Variants in ANKAR observed in about 807,000 individuals in gnomAD.
The protein encoded by ANKAR is ankyrin and armadillo repeat-containing protein.
ANKAR carries 136 observed loss-of-function variants against 146.2 expected under a neutral mutation model. That is an observed-to-expected ratio of 0.93 (90% confidence interval 0.81 to 1.07). The LOEUF is 1.07. ANKAR is among the 50% of genes least tolerant of loss of function. ANKAR has a pLI of 0.00. For synonymous variants in ANKAR, 500 were observed against 575.8 expected (o/e 0.87, Z 1.88); for missense variants, 1,567 against 1,679.9 (o/e 0.93, Z 1.18).
At chr2:189,700,247 A>G (rs1398570076) in intron 7 of ANKAR, among the ~76,000 whole-genome samples, 1 of 152,180 alleles carries the variant, frequency 6.6e-6, no homozygotes, top group Non-Finnish European at 1.5e-5. Flanking sequence ...AGAATTCTAG[A>G]TTAGTGGTTC....
rs1413126822 is a variant in ANKAR, at chr2:189,733,100, T to A, written c.3301-7T>A. 6.3e-7 allele frequency: 1 copy of A among 1,598,432 alleles called. No individual in the cohort carries two copies. The highest frequency in any genetic ancestry group is 1.8e-5 in the Admixed American group (1 of 56,572). On this transcript the variant is annotated splice_polypyrimidine_tract_variant and splice_region_variant and intron_variant, in intron 16 of 22. Coordinates refer to ENST00000684021, the MANE Select transcript of ANKAR (RefSeq NM_001378068.1). ...TGAAAAGTAATTTCTGAAAACCACATGTTTAGGTTGAAGTGGCATTTTCCT... is the reference window on the plus strand; with the variant it reads ...TGAAAAGTAATTTCTGAAAACCACAAGTTTAGGTTGAAGTGGCATTTTCCT...
intron 5 of ANKAR, among the ~76,000 whole-genome samples, chr2:189,693,765 A>G (rs760835546): frequency 1.3e-5 from 2 of 151,746 alleles, no homozygotes; most frequent in Non-Finnish European, 2.9e-5. Flanking sequence ...TTGTTTGTTT[A>G]TGAGACAGAG....
At chr2:189,729,213 C>G (rs544794706) in intron 15 of ANKAR, among the ~76,000 whole-genome samples, 1 of 152,250 alleles carries the variant, frequency 6.6e-6, no homozygotes, top group East Asian at 1.9e-4. Flanking sequence ...CTGTAATGAT[C>G]ATTTGTTTAT....
At chr2:189,700,719 T>G (rs2037942961) in intron 7 of ANKAR, among the ~76,000 whole-genome samples, 1 of 152,246 alleles carries the variant, frequency 6.6e-6, no homozygotes, top group African/African-American at 2.4e-5. Context: ...ATCATTATAC[T>G]CTGTATCTCC....
In ANKAR at chr2:189,733,098, CAT is replaced by C. The variant is rs776502524; in HGVS notation, c.3301-8_3301-7del. On this transcript the variant is annotated splice_polypyrimidine_tract_variant and splice_region_variant and intron_variant, in intron 16 of 22. Coordinates refer to ENST00000684021, the MANE Select transcript of ANKAR (RefSeq NM_001378068.1). ...ATTGAAAAGTAATTTCTGAAAACCA[CAT>C]GTTTAGGTTGAAGTGGCATTTTCCT... The C allele has an allele frequency of 1.1e-4, 182 of 1,594,576 alleles. No individual in the cohort carries two copies. Among genetic ancestry groups the C allele is most frequent in the African/African-American group, 7.6e-4 (56 of 73,990 alleles).
intron 18 of ANKAR, chr2:189,754,914 G>T: frequency 1.2e-5 from 5 of 427,910 alleles, no homozygotes; most frequent in South Asian, 3.7e-5. Flanking sequence ...ACATTATTTG[G>T]CAAAATACAT....
chr2:189,750,782 G>T, downstream of ANKAR: 1 of 635,486 alleles, frequency 1.6e-6, no homozygotes, highest in South Asian at 2.9e-5. Flanking sequence ...ATGTGGTGAT[G>T]ATTCTTAAAT....
Position 189,746,311 on chromosome 2 carries a change from T to C in ANKAR, c.4058-69T>C, listed in dbSNP as rs1356362597. Reference sequence around the variant, plus strand: ...GTTATGTAAAGAAAATAGAACTACATAGAAGTAGAAGTAATGAGACTATAC... The same window carrying C: ...GTTATGTAAAGAAAATAGAACTACACAGAAGTAGAAGTAATGAGACTATAC... On this transcript the variant is annotated intron_variant, in intron 22 of 22. Coordinates refer to ENST00000684021, the MANE Select transcript of ANKAR (RefSeq NM_001378068.1). 3.5e-6 allele frequency: 5 copies of C among 1,447,682 alleles called. No individual in the cohort carries two copies. In the African/African-American group the frequency reaches 4.2e-5, roughly 12 times the overall value. 89.7% of individuals were successfully genotyped at this position (1,447,682 alleles called of 1,614,324 possible).
chr2:189,707,508 C>T (rs1257473675), intron 9 of ANKAR, among the ~76,000 whole-genome samples: 3 of 147,964 alleles, frequency 2.0e-5, no homozygotes, highest in Admixed American at 6.7e-5. Flanking sequence ...AAAATATTCC[C>T]TCCAACTTAT....
At chr2:189,715,617 C>T (rs1036962874) in intron 10 of ANKAR, among the ~76,000 whole-genome samples, 1 of 152,168 alleles carries the variant, frequency 6.6e-6, no homozygotes, top group African/African-American at 2.4e-5. Flanking sequence ...GATACCAAAG[C>T]CTGGCAGAGA....
Position 189,737,787 on chromosome 2 carries a change from T to C in ANKAR, c.3528T>C (p.Phe1176=), listed in dbSNP as rs1225099. The part of the protein sequence containing the change: ...LESGIMTISI[F]ERFLESTVET... ...GTGGAATAATGACCATATCTATTTT[T>C]GAACGTTTTCTTGAATCAACAGTTG... The change falls in exon 18 of 23, where the codon TTT becomes TTC. Residue 1176 remains phenylalanine (F), a synonymous_variant. Transcript: ENST00000684021. 1,574,610 of 1,580,556 alleles carry C rather than the reference T, an allele frequency of 1. 784,493 individuals carry two copies. The highest frequency in any genetic ancestry group is 1 in the South Asian group (84,254 of 84,276).
intron 18 of ANKAR, among the ~76,000 whole-genome samples, chr2:189,756,697 C>T (rs1574892421): frequency 6.6e-6 from 1 of 152,104 alleles, no homozygotes; most frequent in East Asian, 1.9e-4. Flanking sequence ...CTTTCTCTCC[C>T]TCACTCTCCG....
chr2:189,750,610 T>C (rs367882308), downstream of ANKAR: 277 of 1,592,750 alleles, frequency 1.7e-4, no homozygotes, highest in Non-Finnish European at 2.2e-4. Context: ...GGTACTTTTA[T>C]GGAAGCTTCT....
intron 7 of ANKAR, among the ~76,000 whole-genome samples, chr2:189,698,416 T>C (rs1266014651): frequency 1.3e-5 from 2 of 152,090 alleles, no homozygotes; most frequent in East Asian, 1.9e-4. Flanking sequence ...TAATATAAAT[T>C]AGATAGGCTG....
intron 3 of ANKAR, among the ~76,000 whole-genome samples, chr2:189,691,062 G>T (rs2036311976): frequency 6.6e-6 from 1 of 152,146 alleles, no homozygotes; most frequent in South Asian, 2.1e-4. Flanking sequence ...TTTGAGAAAA[G>T]AAATTTTTTT....
chr2:189,752,703 A>G, intron 18 of ANKAR: 1 of 1,613,940 alleles, frequency 6.2e-7, no homozygotes, highest in Middle Eastern at 1.6e-4. Context: ...CCAAGCCAGC[A>G]CGTAGTCTTT....
chr2:189,718,073 A>T (rs1459084369), intron 10 of ANKAR, among the ~76,000 whole-genome samples: 1 of 99,330 alleles, frequency 1.0e-5, no homozygotes, highest in South Asian at 4.2e-4. Flanking sequence ...GTACCCTAGA[A>T]CTTAAAGTAT....
intron 2 of ANKAR, among the ~76,000 whole-genome samples, chr2:189,679,628 G>A (rs1008524509): frequency 6.6e-6 from 1 of 152,086 alleles, no homozygotes; most frequent in Non-Finnish European, 1.5e-5. Flanking sequence ...TTACCTTAAG[G>A]TATGTCCCTT....
At chr2:189,686,612 T>C (rs1301328711) in intron 2 of ANKAR, among the ~76,000 whole-genome samples, 3 of 152,202 alleles carry the variant, frequency 2.0e-5, no homozygotes, top group African/African-American at 7.2e-5. Flanking sequence ...ACTATGCTTT[T>C]GGCCCAAGTG....
Sources: allele counts gnomAD v4.1 joint callset (sites outside exome capture counted in the v4.1 genomes callset), GRCh38; gene constraint gnomAD v4.1.1; transcripts MANE v1.5; gene names NCBI Gene and HGNC (gene_info 2026-07-23, HGNC 2026-07-21).